The following SAMMSON variants were observed in gnomAD, a reference collection of about 807,000 sequenced individuals.
SAMMSON encodes long intergenic non-protein coding RNA 1212.
intron 3 of SAMMSON, among the ~76,000 whole-genome samples, chr3:70,016,096 G>A (rs1364282309): frequency 6.6e-6 from 1 of 152,140 alleles, no homozygotes; most frequent in African/African-American, 2.4e-5. Context: ...GGATTGCTGG[G>A]TCAAATGGTA....
At chr3:70,270,178 T>C (rs1314138842) in intron 6 of SAMMSON, among the ~76,000 whole-genome samples, 1 of 152,182 alleles carries the variant, frequency 6.6e-6, no homozygotes, top group Non-Finnish European at 1.5e-5. Context: ...ACAAGTAGAA[T>C]AGACTAACAA....
At chr3:70,271,094 G>A (rs938732353) in intron 6 of SAMMSON, among the ~76,000 whole-genome samples, 2 of 152,020 alleles carry the variant, frequency 1.3e-5, no homozygotes, top group Non-Finnish European at 2.9e-5. Context: ...GCCATTTATC[G>A]AAGCTGGGAA....
intron 9 of SAMMSON, among the ~76,000 whole-genome samples, chr3:70,384,493 A>G (rs778127455): frequency 3.9e-5 from 6 of 152,014 alleles, no homozygotes; most frequent in Non-Finnish European, 5.9e-5. Context: ...TTGATCTTCA[A>G]GAAGATCAAA....
chr3:70,055,184 A>T (rs1322072717), intron 3 of SAMMSON, among the ~76,000 whole-genome samples: 1 of 152,140 alleles, frequency 6.6e-6, no homozygotes, highest in African/African-American at 2.4e-5. Context: ...AAATGAAACA[A>T]ACAAGGCTGG....
At chr3:70,197,072 G>T (rs1383792008) in intron 4 of SAMMSON, 15 of 398,436 alleles carry the variant, frequency 3.8e-5, no homozygotes, top group Non-Finnish European at 6.2e-5. Context: ...TGGTGATACC[G>T]GCGAGAGGGG....
At chr3:70,056,395 A>G (rs556776989) in intron 3 of SAMMSON, among the ~76,000 whole-genome samples, 36 of 152,210 alleles carry the variant, frequency 2.4e-4, no homozygotes, top group African/African-American at 8.2e-4. Context: ...ACAGAAGGAA[A>G]GACTTACGAG....
At chr3:70,372,909 C>T (rs1198033601) in intron 9 of SAMMSON, among the ~76,000 whole-genome samples, 1 of 152,040 alleles carries the variant, frequency 6.6e-6, no homozygotes, top group Non-Finnish European at 1.5e-5. Context: ...ATTTAGGTAC[C>T]TTACCTCCTT....
intron 7 of SAMMSON, among the ~76,000 whole-genome samples, chr3:70,345,483 T>C (rs1702743317): frequency 1.3e-5 from 2 of 152,350 alleles, no homozygotes; most frequent in South Asian, 4.1e-4. Flanking sequence ...TTTGATTCTC[T>C]AACCTCCTAA....
At chr3:70,077,765 A>G (rs969009527) in intron 4 of SAMMSON, among the ~76,000 whole-genome samples, 8 of 152,182 alleles carry the variant, frequency 5.3e-5, no homozygotes, top group Non-Finnish European at 1.2e-4. Flanking sequence ...AATTGCACAC[A>G]TCTCCGACCT....
rs557462737 is a variant in SAMMSON at position 70,325,445 on chromosome 3, C to G, written n.740-28730C>G. Among the ~76,000 whole-genome samples the G allele has an allele frequency of 4.6e-5, 7 of 152,220 alleles. No homozygotes were observed. The South Asian group carries it at 1.5e-3, about 32-fold the overall frequency. On this transcript the variant is annotated intron_variant and non_coding_transcript_variant, in intron 7 of 9. Transcript: ENST00000642114. ...TACTGCAGAAAGATTGGATAAGGCTCAACTTTCAAGTGTTCATTTACATTT... is the reference window on the plus strand; with the variant it reads ...TACTGCAGAAAGATTGGATAAGGCTGAACTTTCAAGTGTTCATTTACATTT...
chr3:70,424,516 G>A (rs1433864134), intron 2 of SAMMSON, among the ~76,000 whole-genome samples: 4 of 151,910 alleles, frequency 2.6e-5, no homozygotes, highest in Admixed American at 2.6e-4. Flanking sequence ...GGATGACACT[G>A]ACACATTAAC....
intron 4 of SAMMSON, among the ~76,000 whole-genome samples, chr3:70,167,923 T>C (rs1222546424): frequency 6.6e-6 from 1 of 151,938 alleles, no homozygotes; most frequent in East Asian, 1.9e-4. Flanking sequence ...GGCTAAAGTA[T>C]TGATTTTGGA....
chr3:70,260,467 C>T (rs1163711911), intron 6 of SAMMSON, among the ~76,000 whole-genome samples: 3 of 151,940 alleles, frequency 2.0e-5, no homozygotes, highest in African/African-American at 4.8e-5. Flanking sequence ...TTTTACATCC[C>T]CTCAGTTCAA....
At chr3:70,338,748 G>T (rs924241896) in intron 7 of SAMMSON, among the ~76,000 whole-genome samples, 1 of 151,946 alleles carries the variant, frequency 6.6e-6, no homozygotes, top group African/African-American at 2.4e-5. Flanking sequence ...AAGGAAATAA[G>T]AGAGGACACA....
intron 3 of SAMMSON, among the ~76,000 whole-genome samples, chr3:70,060,689 C>A (rs913900537): frequency 6.6e-6 from 1 of 152,120 alleles, no homozygotes; most frequent in African/African-American, 2.4e-5. Context: ...TGCTGTTAAA[C>A]ATCCTACAAT....
chr3:70,146,905 A>T (rs577611675), intron 4 of SAMMSON, among the ~76,000 whole-genome samples: 2 of 152,026 alleles, frequency 1.3e-5, no homozygotes, highest in African/African-American at 4.8e-5. Context: ...TTCACAGATG[A>T]TATAATTATT....
chr3:70,125,172 A>T, intron 4 of SAMMSON: 1 of 1,578,818 alleles, frequency 6.3e-7, no homozygotes, highest in Non-Finnish European at 8.7e-7. Flanking sequence ...GCTTCCTTTA[A>T]GGCTTTTGCT....
intron 1 of SAMMSON, among the ~76,000 whole-genome samples, chr3:70,006,909 G>A (rs1346134963): frequency 8.1e-5 from 12 of 149,042 alleles, no homozygotes; most frequent in Non-Finnish European, 1.6e-4. Context: ...TTGGTTTTTC[G>A]TCCTTGTGAT....
At chr3:70,092,896 GTTTTTGTTTTTTTT>G (rs1206614070) in intron 4 of SAMMSON, among the ~76,000 whole-genome samples, 17 of 85,160 alleles carry the variant, frequency 2.0e-4, no homozygotes, top group East Asian at 8.7e-4. Context: ...GTTGTCTAGT[GTTTTTGTTTTTTTT>G]TTTTTGTTTT....
Sources: allele counts gnomAD v4.1 joint callset (sites outside exome capture counted in the v4.1 genomes callset), GRCh38; gene constraint gnomAD v4.1.1; transcripts MANE v1.5; gene names NCBI Gene and HGNC (gene_info 2026-07-23, HGNC 2026-07-21).